RASSF5: variants seen among roughly 807,000 people sequenced by gnomAD.
The protein encoded by RASSF5 is ras association domain-containing protein 5.
In RASSF5, 25 loss-of-function variants were observed where a neutral mutation model predicts 40.5. That is an observed-to-expected ratio of 0.62 (90% CI 0.45 to 0.86). The LOEUF is 0.86. Among genes scored for constraint, RASSF5 ranks in the 40% least tolerant of loss-of-function variants. RASSF5 has a pLI of 0.00. For synonymous variants in RASSF5, 246 were observed against 252.4 expected (o/e 0.97, Z 0.24); for missense variants, 521 against 572.8 (o/e 0.91, Z 0.92).
At chr1:206,523,916 AAT>A (rs1366334270) in intron 1 of RASSF5, among the ~76,000 whole-genome samples, 1 of 113,250 alleles carries the variant, frequency 8.8e-6, no homozygotes, top group Non-Finnish European at 1.6e-5. Flanking sequence ...TTTTATATAT[AAT>A]ATATATACCA....
At chr1:206,537,993 T>C (rs1418345371) in intron 1 of RASSF5, among the ~76,000 whole-genome samples, 179 bp from the exon 2 acceptor site, 1 of 152,232 alleles carries the variant, frequency 6.6e-6, no homozygotes, top group Non-Finnish European at 1.5e-5. Flanking sequence ...TTAACTTGCA[T>C]CCTTCCTGGG....
At position 206,583,477 on chromosome 1, in the gene RASSF5, C is replaced by A. The variant is rs1284615086; in HGVS notation, c.690+98C>A. On this transcript the variant is annotated intron_variant, in intron 3 of 5. Transcript: ENST00000579436. ...TCTGAATTCTGTGGCTACTCCCTGG[C>A]AGGTCCCCTCCCTTTCCTCCGGCCT... The A allele has an allele frequency of 2.8e-5, 23 of 823,200 alleles. No homozygotes were observed. The African/African-American group carries it at 2.9e-4, about 10-fold the overall frequency. The allele number at this position is 823,200 out of a possible 1,614,324, so 51.0% of individuals were successfully genotyped here.
chr1:206,557,380 G>C (rs1668018912), intron 2 of RASSF5: 7 of 1,350,502 alleles, frequency 5.2e-6, no homozygotes, highest in Non-Finnish European at 6.6e-6. Context: ...CCGAGCGCTC[G>C]CACCCCGCTG....
intron 1 of RASSF5, among the ~76,000 whole-genome samples, chr1:206,508,578 G>A (rs1385691414): frequency 1.3e-5 from 2 of 152,118 alleles, no homozygotes; most frequent in African/African-American, 4.8e-5. Flanking sequence ...ATTGGGACAG[G>A]GAGGAGACCT....
intron 1 of RASSF5, among the ~76,000 whole-genome samples, chr1:206,532,282 A>G (rs1553398074): frequency 6.6e-6 from 1 of 152,128 alleles, no homozygotes; most frequent in East Asian, 1.9e-4. Context: ...TGGAACCTCC[A>G]CCTTCCAGGG....
rs781906842 is a variant in RASSF5 at position 206,583,353 on chromosome 1, GAGA to G, written c.669_671del (p.Lys223del). 1.5e-5 allele frequency: 25 copies of G among 1,613,366 alleles called. No individual in the cohort carries two copies. The highest frequency in any genetic ancestry group is 3.3e-4 in the Middle Eastern group (2 of 6,062). ...GAAGATCGACAGCTACAACACGCGA[GAGA>G]AGAACTGCCTGGGCATGAAACTGGT... On this transcript the variant is annotated inframe_deletion, in exon 3 of 6. Coordinates refer to ENST00000579436, the MANE Select transcript of RASSF5 (RefSeq NM_182663.4).
At chr1:206,548,297 T>A in intron 2 of RASSF5, among the ~76,000 whole-genome samples, 1 of 152,168 alleles carries the variant, frequency 6.6e-6, no homozygotes, top group East Asian at 1.9e-4. Context: ...CACCAACATC[T>A]GTTTGGCTTC....
intron 2 of RASSF5, among the ~76,000 whole-genome samples, chr1:206,562,898 GGCGACAGAACGA>G (rs1387434485): frequency 6.6e-6 from 1 of 151,746 alleles, no homozygotes; most frequent in Non-Finnish European, 1.5e-5. Context: ...CTCCAGCCTG[GGCGACAGAACGA>G]GTCTCTGTCT....
chr1:206,584,756 T>C lies in RASSF5; in HGVS notation c.988+72T>C. 1 of 1,534,954 alleles carries C rather than the reference T, an allele frequency of 6.5e-7. No homozygotes were observed. Among genetic ancestry groups the C allele is most frequent in the Non-Finnish European group, 8.9e-7 (1 of 1,123,142 alleles). Reference sequence around the variant, plus strand: ...GTCCAAGCCCACCCACTAAAACTCCTGCCGGCCTTGGGTGGGAGCTGTGGG... The same window carrying C: ...GTCCAAGCCCACCCACTAAAACTCCCGCCGGCCTTGGGTGGGAGCTGTGGG... On this transcript the variant is annotated intron_variant, in intron 4 of 5. Transcript: ENST00000579436. This position sits in a 1 kb window ranked among gnomAD's most constrained non-coding sequence, Gnocchi z 4.9.
At chr1:206,586,755 C>G in intron 5 of RASSF5, 71 bp from the exon 6 acceptor site, 5 of 1,218,806 alleles carry the variant, frequency 4.1e-6, no homozygotes, top group Non-Finnish European at 5.9e-6. Context: ...AGCAGGGTCT[C>G]TCAGGTCGTG....
At chr1:206,583,449 C>A in intron 3 of RASSF5, 70 bp downstream of exon 3, 2 of 1,044,020 alleles carry the variant, frequency 1.9e-6, no homozygotes, top group South Asian at 1.3e-5. Flanking sequence ...CCTCTGCCCT[C>A]ACTCTGAATT....
At chr1:206,549,390 C>T (rs932049720) in intron 2 of RASSF5, among the ~76,000 whole-genome samples, 2 of 152,184 alleles carry the variant, frequency 1.3e-5, no homozygotes, top group Non-Finnish European at 2.9e-5. Flanking sequence ...TCTCTGGGCT[C>T]CTCACAGCCT....
rs1666480895 is a variant in RASSF5 at position 206,507,570 on chromosome 1, C to CGCCGCTGCCAAAGCT, written c.-27_-13dup. 1 of 1,453,198 alleles carries CGCCGCTGCCAAAGCT rather than the reference C, an allele frequency of 6.9e-7. No homozygotes were observed. The highest frequency in any genetic ancestry group is 9.0e-7 in the Non-Finnish European group (1 of 1,107,026). The allele number at this position is 1,453,198 out of a possible 1,614,324, so 90.0% of individuals were successfully genotyped here. A position where few individuals can be genotyped will look rare whatever the true frequency, so the allele number is the denominator to read the frequency against. On this transcript the variant is annotated 5_prime_UTR_variant, in exon 1 of 6. Coordinates refer to ENST00000579436, the MANE Select transcript of RASSF5 (RefSeq NM_182663.4). ...TCGGGAGTAGCGCAGTCGCCAAAGCCGCCGCTGCCAAAGCTGCCGCCACTA... is the reference window on the plus strand; with the variant it reads ...TCGGGAGTAGCGCAGTCGCCAAAGCCGCCGCTGCCAAAGCTGCCGCTGCCAAAGCTGCCGCCACTA...
At chr1:206,557,265 A>G in intron 2 of RASSF5, 4 of 1,146,106 alleles carry the variant, frequency 3.5e-6, no homozygotes, top group Non-Finnish European at 4.3e-6. Flanking sequence ...CGCCGGGGAC[A>G]CGAAACCGCA....
At chr1:206,509,916 G>A (rs1377492114) in intron 1 of RASSF5, among the ~76,000 whole-genome samples, 11 of 152,174 alleles carry the variant, frequency 7.2e-5, no homozygotes, top group Admixed American at 7.2e-4. Flanking sequence ...GACTTTGTGT[G>A]TGACTTGGTG....
chr1:206,532,183 C>T (rs1218843443), intron 1 of RASSF5, among the ~76,000 whole-genome samples: 2 of 152,008 alleles, frequency 1.3e-5, no homozygotes, highest in Non-Finnish European at 2.9e-5. Flanking sequence ...TTTGGAAATA[C>T]CTATAGGAAT....
At position 206,560,859 on chromosome 1, in the gene RASSF5, AGG is replaced by A. The variant is rs1668119097; in HGVS notation, c.580-22408_580-22407del. Among the ~76,000 whole-genome samples the A allele has an allele frequency of 6.6e-6, 1 of 152,184 alleles. No individual in the cohort carries two copies. Among genetic ancestry groups the A allele is most frequent in the East Asian group, 1.9e-4 (1 of 5,202 alleles). ...TTTCTTCCTTAGTCCCACAAAAGAT[AGG>A]GTTTGGTGATTTGTAGGACTGGTGA... On this transcript the variant is annotated intron_variant, in intron 2 of 5. Transcript: ENST00000579436. This position sits in a 1 kb window ranked among gnomAD's most constrained non-coding sequence, Gnocchi z 5.1.
chr1:206,566,880 G>A (rs1418122669), intron 2 of RASSF5, among the ~76,000 whole-genome samples: 5 of 152,162 alleles, frequency 3.3e-5, no homozygotes, highest in African/African-American at 1.2e-4. Context: ...TGTGTCCCCT[G>A]GCACGTGGTA....
At chr1:206,508,172 G>T (rs1175489069) in intron 1 of RASSF5, 113 bp downstream of exon 1, 7 of 834,062 alleles carry the variant, frequency 8.4e-6, no homozygotes, top group Admixed American at 8.4e-5. Flanking sequence ...GGCTCCAGGG[G>T]AGCCCCGAAC....
Sources: allele counts gnomAD v4.1 joint callset (sites outside exome capture counted in the v4.1 genomes callset), GRCh38; gene constraint gnomAD v4.1.1; non-coding constraint Gnocchi (gnomAD v3.1); transcripts MANE v1.5; gene names NCBI Gene and HGNC (gene_info 2026-07-23, HGNC 2026-07-21).